Variants in WDPCP observed in about 807,000 individuals in gnomAD.
WDPCP encodes the protein WD repeat-containing and planar cell polarity effector protein fritz homolog.
Under a neutral mutation model 93.1 loss-of-function variants are expected in WDPCP, and 71 were observed. That is an observed-to-expected ratio of 0.76 (90% confidence interval 0.63 to 0.93). The LOEUF (loss-of-function observed/expected upper bound fraction) is 0.93, where lower values mean the gene tolerates loss of function less well. Ranked by LOEUF, WDPCP falls within the 40% of genes least tolerant of loss-of-function variation. The pLI, the probability that WDPCP is intolerant of heterozygous loss-of-function variation, is 0.00. For synonymous variants in WDPCP, 315 were observed against 315.0 expected, an observed-to-expected ratio of 1.00 and a Z score of 0.00; for missense variants, 844 against 887.4, an observed-to-expected ratio of 0.95 and a Z score of 0.62.
intron 1 of WDPCP, among the ~76,000 whole-genome samples, chr2:63,507,876 G>A (rs1041587798): frequency 6.6e-6 from 1 of 152,024 alleles, no homozygotes; most frequent in South Asian, 2.1e-4. Context: ...GTGAAGACAA[G>A]ATTAGAGAAA....
intron 3 of WDPCP, chr2:63,643,129 CAT>C (rs1203416273): frequency 6.0e-6 from 1 of 167,750 alleles, no homozygotes; most frequent in Non-Finnish European, 1.3e-5. Context: ...GTATCATATT[CAT>C]AGACTTGTGT....
chr2:63,610,888 A>G (rs1220846610), intron 3 of WDPCP, among the ~76,000 whole-genome samples: 1 of 152,186 alleles, frequency 6.6e-6, no homozygotes, highest in Non-Finnish European at 1.5e-5. Context: ...TGAGCTCAGG[A>G]GTTCGAGACC....
At chr2:63,360,444 A>G (rs1388931853) in intron 12 of WDPCP, among the ~76,000 whole-genome samples, 1 of 152,162 alleles carries the variant, frequency 6.6e-6, no homozygotes, top group Non-Finnish European at 1.5e-5. Context: ...AGATTCTTTC[A>G]ATTTTCCCAA....
At chr2:63,584,041 T>A (rs941779800) in intron 1 of WDPCP, among the ~76,000 whole-genome samples, 1 of 152,108 alleles carries the variant, frequency 6.6e-6, no homozygotes, top group East Asian at 1.9e-4. Context: ...ATGCCTATAA[T>A]ACCAGCGCTT....
At chr2:63,137,359 ATGATTCTCT>A (rs1444716101) in intron 17 of WDPCP, among the ~76,000 whole-genome samples, 3 of 152,120 alleles carry the variant, frequency 2.0e-5, no homozygotes, top group African/African-American at 7.2e-5. Flanking sequence ...GTTTGTATGT[ATGATTCTCT>A]TGAAAAGTAT....
intron 17 of WDPCP, among the ~76,000 whole-genome samples, chr2:63,152,337 T>A (rs1671942663): frequency 6.6e-6 from 1 of 151,342 alleles, no homozygotes; most frequent in South Asian, 2.1e-4. Flanking sequence ...TGCAGTGGCA[T>A]GATCTTGGCT....
At chr2:63,824,537 CAAAAAAAA>C (rs70965144) in intron 1 of WDPCP, among the ~76,000 whole-genome samples, 21,076 of 85,332 alleles carry the variant, frequency 0.25, 1,851 homozygotes, top group Middle Eastern at 0.45. Context: ...GACCATGTTT[CAAAAAAAA>C]AAAAAAAAAA....
chr2:63,120,926 C>A lies in WDPCP; in HGVS notation c.*1080G>T, dbSNP rs1480387214. Among the ~76,000 whole-genome samples, 1 of 152,144 alleles carries A rather than the reference C, an allele frequency of 6.6e-6. No individual in the cohort carries two copies. The highest frequency in any genetic ancestry group is 1.9e-4 in the East Asian group (1 of 5,196). On this transcript the variant is annotated 3_prime_UTR_variant, in exon 18 of 18. Coordinates refer to ENST00000272321, the MANE Select transcript of WDPCP (RefSeq NM_015910.7). ...TATGAGATTTTACCCTACTTACTAG[C>A]TAACAAGTTACCACACTATAGTTTC...
chr2:63,417,841 A>T (rs1374824388), intron 9 of WDPCP, among the ~76,000 whole-genome samples: 1 of 150,716 alleles, frequency 6.6e-6, no homozygotes, highest in Non-Finnish European at 1.5e-5. Flanking sequence ...TTGAAATAAG[A>T]CATTTTGTAT....
intron 14 of WDPCP, among the ~76,000 whole-genome samples, chr2:63,243,939 A>G (rs564713786): frequency 7.2e-5 from 11 of 152,202 alleles, no homozygotes; most frequent in Non-Finnish European, 1.6e-4. Flanking sequence ...CACACACAAC[A>G]TATTCTAGGA....
intron 10 of WDPCP, among the ~76,000 whole-genome samples, chr2:63,393,523 G>A (rs1479372267): frequency 6.6e-6 from 1 of 150,880 alleles, no homozygotes; most frequent in Non-Finnish European, 1.5e-5. Flanking sequence ...AGAACTTAAA[G>A]TATAATAAAA....
intron 14 of WDPCP, among the ~76,000 whole-genome samples, chr2:63,211,812 T>C (rs1676835094): frequency 6.6e-6 from 1 of 152,132 alleles, no homozygotes; most frequent in Non-Finnish European, 1.5e-5. Context: ...ACGAGAACTA[T>C]GTGATGCGTG....
chr2:63,819,602 A>G (rs13036222), intron 1 of WDPCP, among the ~76,000 whole-genome samples: 4,163 of 152,292 alleles, frequency 0.027, 88 homozygotes, highest in South Asian at 0.043. Flanking sequence ...GTAAGACATG[A>G]GAATTTGCAT....
chr2:63,153,324 C>T (rs1273820763), intron 16 of WDPCP, among the ~76,000 whole-genome samples, 171 bp downstream of exon 16: 3 of 152,074 alleles, frequency 2.0e-5, no homozygotes, highest in Middle Eastern at 3.2e-3. Context: ...TGAAATTTCA[C>T]CTTTGTAATA....
intron 2 of WDPCP, among the ~76,000 whole-genome samples, chr2:63,703,812 A>G (rs1275261989): frequency 3.3e-5 from 5 of 152,202 alleles, no homozygotes; most frequent in African/African-American, 4.8e-5. Flanking sequence ...TGAACATTAA[A>G]GTAGTTTTTT....
chr2:63,772,644 A>G (rs1180380229), intron 2 of WDPCP, among the ~76,000 whole-genome samples: 1 of 152,096 alleles, frequency 6.6e-6, no homozygotes, highest in Non-Finnish European at 1.5e-5. Context: ...TTGATTATCA[A>G]TCAATGTAAT....
chr2:63,255,850 C>T (rs1472683163), intron 14 of WDPCP, among the ~76,000 whole-genome samples: 1 of 147,450 alleles, frequency 6.8e-6, no homozygotes, highest in Non-Finnish European at 1.5e-5. Flanking sequence ...TCACTTATTG[C>T]TAGATATAAG....
intron 1 of WDPCP, among the ~76,000 whole-genome samples, chr2:63,500,436 A>C (rs1701471163): frequency 1.5e-5 from 2 of 134,346 alleles, no homozygotes; most frequent in East Asian, 4.7e-4. Context: ...AAAGCCTTGA[A>C]AGAGAAAATG....
intron 9 of WDPCP, among the ~76,000 whole-genome samples, chr2:63,420,928 A>G (rs1042847036): frequency 2.0e-5 from 3 of 152,164 alleles, no homozygotes; most frequent in Non-Finnish European, 4.4e-5. Flanking sequence ...CAGTGATGCT[A>G]TGAACACTAT....
Sources: gnomAD v4.1 joint callset for allele counts (sites outside exome capture counted in the v4.1 genomes callset) on GRCh38, gnomAD v4.1.1 for gene constraint, MANE v1.5 for transcripts, NCBI Gene and HGNC (gene_info 2026-07-23, HGNC 2026-07-21) for gene names.